The following PAX7 variants were observed in gnomAD, a reference collection of about 807,000 sequenced individuals.
PAX7 encodes paired box 7.
Under a neutral mutation model 50.7 loss-of-function variants are expected in PAX7, and 18 were observed. That is an observed-to-expected ratio of 0.36 (90% confidence interval 0.25 to 0.53). The LOEUF is 0.53. Ranked by LOEUF, PAX7 falls within the 20% of genes least tolerant of loss-of-function variation. PAX7 has a pLI of 0.93. For synonymous variants in PAX7, 310 were observed against 290.4 expected, an observed-to-expected ratio of 1.07 and a Z score of -0.69; for missense variants, 644 against 702.9, an observed-to-expected ratio of 0.92 and a Z score of 0.95.
In PAX7 at chr1:18,720,974, G is replaced by C. The variant is rs559725569; in HGVS notation, c.1156-14658G>C. ...GACACAGACAGCTCTGCCATCAGAG[G>C]AACCCGAATTTGAATTCCAGGCCCA... On this transcript the variant is annotated intron_variant, in intron 7 of 8. Coordinates refer to ENST00000420770, the MANE Select transcript of PAX7 (RefSeq NM_001135254.2). Among the ~76,000 whole-genome samples, 102 of 152,124 alleles carry C rather than the reference G, an allele frequency of 6.7e-4. 2 individuals carry two copies. In the South Asian group the frequency reaches 0.019, roughly 29 times the overall value.
chr1:18,708,041 G>A (rs1037084991), intron 7 of PAX7, among the ~76,000 whole-genome samples: 15 of 152,060 alleles, frequency 9.9e-5, no homozygotes, highest in African/African-American at 3.1e-4. Context: ...CCAAGCCCCA[G>A]CCTAATAGGA....
At chr1:18,677,106 A>G (rs541994752) in intron 4 of PAX7, among the ~76,000 whole-genome samples, 29 of 152,012 alleles carry the variant, frequency 1.9e-4, no homozygotes, top group Non-Finnish European at 3.4e-4. Flanking sequence ...GATTTGGGGG[A>G]CACTTCCGCC....
chr1:18,692,724 C>T (rs899041357), intron 5 of PAX7, among the ~76,000 whole-genome samples: 1 of 152,196 alleles, frequency 6.6e-6, no homozygotes, highest in Non-Finnish European at 1.5e-5. Flanking sequence ...GAAGCATGCA[C>T]GTAGGCTGGG....
In PAX7 at chr1:18,726,388, A is replaced by T. The variant is rs1318677643; in HGVS notation, c.1156-9244A>T. ...CAACTCTGTGCTAGATCCTGTGCTC[A>T]GGATAAAAAGATAAATTCATTTCTT... On this transcript the variant is annotated intron_variant, in intron 7 of 8. Coordinates refer to ENST00000420770, the MANE Select transcript of PAX7 (RefSeq NM_001135254.2). The surrounding 1 kb of genome is among the most constrained non-coding windows in gnomAD (Gnocchi z 4.8). Among the ~76,000 whole-genome samples the T allele has an allele frequency of 6.6e-6, 1 of 152,228 alleles. No homozygotes were observed. Among genetic ancestry groups the T allele is most frequent in the East Asian group, 1.9e-4 (1 of 5,208 alleles).
chr1:18,703,069 G>A (rs2089241253), intron 6 of PAX7, 25 bp from the exon 7 acceptor site: 3 of 1,604,976 alleles, frequency 1.9e-6, no homozygotes, highest in Non-Finnish European at 2.6e-6. Context: ...CACTTGCTTA[G>A]GACCTCTCTT....
At position 18,726,271 on chromosome 1, in the gene PAX7, A is replaced by G. The variant is rs943627986; in HGVS notation, c.1156-9361A>G. 3.3e-5 allele frequency among the ~76,000 whole-genome samples: 5 copies of G among 152,108 alleles called. No individual in the cohort carries two copies. The highest frequency in any genetic ancestry group is 2.6e-4 in the Admixed American group (4 of 15,262). On this transcript the variant is annotated intron_variant, in intron 7 of 8. Transcript: ENST00000420770. The surrounding 1 kb of genome is among the most constrained non-coding windows in gnomAD (Gnocchi z 4.8). Reference sequence around the variant, plus strand: ...GACAGTCCTTAACTAAAAGCCTCCAAGGACCCCTGGAATGGGGAGGGGGCA... The same window carrying G: ...GACAGTCCTTAACTAAAAGCCTCCAGGGACCCCTGGAATGGGGAGGGGGCA...
Position 18,667,391 on chromosome 1 carries a change from A to AAAGGAAGGAAGGAAGG in PAX7, c.587-24317_587-24302dup, listed in dbSNP as rs3080496. ...AAAAAAGAAGGAGAGAAGGAAGGAG[A>AAAGGAAGGAAGGAAGG]AAGGAAGGAAGGAAGGAAGGAAGGA... On this transcript the variant is annotated intron_variant, in intron 4 of 8. Transcript: ENST00000420770. 8.1e-3 allele frequency among the ~76,000 whole-genome samples: 919 copies of AAAGGAAGGAAGGAAGG among 113,410 alleles called. 8 individuals are homozygous for AAAGGAAGGAAGGAAGG. The highest frequency in any genetic ancestry group is 0.031 in the East Asian group (108 of 3,496). The allele number at this position is 113,410 out of a possible 152,430, so 74.4% of individuals were successfully genotyped here.
intron 7 of PAX7, among the ~76,000 whole-genome samples, chr1:18,724,364 T>G (rs1340724203): frequency 1.3e-5 from 2 of 152,120 alleles, no homozygotes; most frequent in African/African-American, 4.8e-5. Context: ...GTCAGAGAGG[T>G]GAGATGTACA....
At chr1:18,665,749 A>G (rs1280897043) in intron 4 of PAX7, among the ~76,000 whole-genome samples, 2 of 144,858 alleles carry the variant, frequency 1.4e-5, no homozygotes, top group East Asian at 4.0e-4. Context: ...GGTTCACTGC[A>G]TACTCTGCCT....
At chr1:18,708,588 C>G (rs987253185) in intron 7 of PAX7, among the ~76,000 whole-genome samples, 1 of 152,002 alleles carries the variant, frequency 6.6e-6, no homozygotes, top group Non-Finnish European at 1.5e-5. Context: ...CATAAAATGA[C>G]TTAGGATGAA....
Position 18,726,021 on chromosome 1 carries a change from T to C in PAX7, c.1156-9611T>C, listed in dbSNP as rs985188379. Among the ~76,000 whole-genome samples the C allele has an allele frequency of 3.3e-5, 5 of 151,108 alleles. No homozygotes were observed. Among genetic ancestry groups the C allele is most frequent in the East Asian group, 1.9e-4 (1 of 5,152 alleles). On this transcript the variant is annotated intron_variant, in intron 7 of 8. Transcript: ENST00000420770. This position sits in a 1 kb window ranked among gnomAD's most constrained non-coding sequence, Gnocchi z 4.8. ...GCGCGCGCGCGTGCGCGCGTGTGTG[T>C]GCGTGTGTTTGTGTGTGTGTGTGTC... is the stretch of plus-strand genomic sequence containing the variant.
At chr1:18,730,057 A>T (rs2089627426) in intron 7 of PAX7, among the ~76,000 whole-genome samples, 1 of 151,984 alleles carries the variant, frequency 6.6e-6, no homozygotes, top group Admixed American at 6.6e-5. Context: ...CAGGCAGAAG[A>T]GGTGTCGGGG....
At chr1:18,709,517 T>C (rs1368300101) in intron 7 of PAX7, among the ~76,000 whole-genome samples, 1 of 152,228 alleles carries the variant, frequency 6.6e-6, no homozygotes. Context: ...GTCCAGCCTG[T>C]GCCTTTAGTA....
chr1:18,724,814 T>C (rs1419328217), intron 7 of PAX7, among the ~76,000 whole-genome samples: 2 of 152,216 alleles, frequency 1.3e-5, no homozygotes, highest in Admixed American at 1.3e-4. Flanking sequence ...ATCTAAGACA[T>C]CTGATCCTGG....
At chr1:18,684,975 A>G (rs1263374564) in intron 4 of PAX7, among the ~76,000 whole-genome samples, 1 of 152,114 alleles carries the variant, frequency 6.6e-6, no homozygotes, top group Non-Finnish European at 1.5e-5. Context: ...AGATTCAGAG[A>G]TTGTGGCCAC....
At chr1:18,711,832 T>C (rs2089355335) in intron 7 of PAX7, among the ~76,000 whole-genome samples, 1 of 151,542 alleles carries the variant, frequency 6.6e-6, no homozygotes, top group Admixed American at 6.6e-5. Flanking sequence ...GGACCAGGAG[T>C]CCGTGGCTGG....
At chr1:18,675,521 C>T (rs2088811181) in intron 4 of PAX7, among the ~76,000 whole-genome samples, 2 of 152,256 alleles carry the variant, frequency 1.3e-5, no homozygotes, top group South Asian at 4.1e-4. Context: ...CATGCCGGTG[C>T]TGTCCTGGGC....
intron 5 of PAX7, among the ~76,000 whole-genome samples, chr1:18,697,814 C>G (rs184392608): frequency 7.3e-4 from 111 of 152,302 alleles, no homozygotes; most frequent in Admixed American, 2.4e-3. Flanking sequence ...CATGTCACCC[C>G]ATCTGAGCTT....
chr1:18,739,365 CAGAG>C (rs1283486838), intron 8 of PAX7, among the ~76,000 whole-genome samples: 1 of 152,174 alleles, frequency 6.6e-6, no homozygotes, highest in Non-Finnish European at 1.5e-5. Flanking sequence ...GACACACACG[CAGAG>C]AGAGGGGTTT....
Sources: gnomAD v4.1 joint callset for allele counts (sites outside exome capture counted in the v4.1 genomes callset) on GRCh38, gnomAD v4.1.1 for gene constraint, Gnocchi (gnomAD v3.1) non-coding constraint, MANE v1.5 for transcripts, NCBI Gene and HGNC (gene_info 2026-07-23, HGNC 2026-07-21) for gene names.